The following PLCB1 variants were observed in gnomAD, a reference collection of about 807,000 sequenced individuals.
PLCB1 encodes the protein phospholipase C beta 1.
PLCB1 carries 46 observed loss-of-function variants against 161.8 expected under a neutral mutation model. The observed-to-expected ratio is 0.28, with a 90% CI of 0.22 to 0.36. PLCB1 has a LOEUF of 0.36. Among genes scored for constraint, PLCB1 ranks in the 10% least tolerant of loss-of-function variants. The pLI, the probability that PLCB1 is intolerant of heterozygous loss-of-function variation, is 1.00. For missense variants in PLCB1, 1,016 were observed against 1,472.5 expected (o/e 0.69, Z 5.07); for synonymous variants, 517 against 503.7 (o/e 1.03, Z -0.35).
chr20:8,651,761 T>G, intron 7 of PLCB1: 1 of 413,762 alleles, frequency 2.4e-6, no homozygotes, highest in Admixed American at 3.8e-5. Flanking sequence ...AAAGAAAGAC[T>G]GGAGAACTAC....
intron 23 of PLCB1, chr20:8,750,715 C>A: frequency 2.1e-6 from 1 of 471,096 alleles, no homozygotes; most frequent in East Asian, 7.0e-5. Context: ...ATTTAAGGTA[C>A]AAATTGTGCT....
At chr20:8,161,696 G>C (rs903191066) in intron 2 of PLCB1, among the ~76,000 whole-genome samples, 2 of 152,112 alleles carry the variant, frequency 1.3e-5, no homozygotes, top group Non-Finnish European at 2.9e-5. Flanking sequence ...GAAATCACAG[G>C]GGGAGCCTCA....
intron 31 of PLCB1, among the ~76,000 whole-genome samples, chr20:8,793,143 A>G (rs1351954058): frequency 6.6e-6 from 1 of 152,238 alleles, no homozygotes; most frequent in Non-Finnish European, 1.5e-5. Flanking sequence ...AAACTGATCA[A>G]TAGTATCTCT....
intron 27 of PLCB1, among the ~76,000 whole-genome samples, chr20:8,775,697 G>A (rs1982908792): frequency 6.6e-6 from 1 of 152,104 alleles, no homozygotes; most frequent in South Asian, 2.1e-4. Context: ...ATTCTAACGA[G>A]GCCCGTTATT....
At chr20:8,178,724 G>A (rs1315462300) in intron 2 of PLCB1, among the ~76,000 whole-genome samples, 1 of 152,158 alleles carries the variant, frequency 6.6e-6, no homozygotes, top group Non-Finnish European at 1.5e-5. Flanking sequence ...TATGTCCAGA[G>A]TGATATTTCC....
At chr20:8,320,048 G>C (rs1395525828) in intron 2 of PLCB1, among the ~76,000 whole-genome samples, 1 of 151,996 alleles carries the variant, frequency 6.6e-6, no homozygotes, top group Non-Finnish European at 1.5e-5. Context: ...CGAGGTTTTG[G>C]GTGAAGAAGA....
intron 3 of PLCB1, among the ~76,000 whole-genome samples, chr20:8,536,075 A>G (rs566640345): frequency 4.6e-4 from 70 of 152,274 alleles, no homozygotes; most frequent in Non-Finnish European, 8.8e-4. Flanking sequence ...TAAGGAAATG[A>G]AACTTAATGC....
intron 3 of PLCB1, among the ~76,000 whole-genome samples, chr20:8,547,186 G>A (rs906717345): frequency 6.6e-6 from 1 of 151,400 alleles, no homozygotes; most frequent in Middle Eastern, 3.2e-3. Flanking sequence ...AGGCTACTAA[G>A]CATCAAGCAA....
At chr20:8,716,380 A>G (rs774892894) in intron 13 of PLCB1, 32 bp downstream of exon 13, 3 of 1,452,950 alleles carry the variant, frequency 2.1e-6, no homozygotes, top group Non-Finnish European at 1.9e-6. Context: ...CCTTGAAGGA[A>G]TGTATGCATT....
intron 2 of PLCB1, among the ~76,000 whole-genome samples, chr20:8,153,755 A>G (rs1435494540): frequency 1.3e-5 from 2 of 152,162 alleles, no homozygotes; most frequent in African/African-American, 4.8e-5. Flanking sequence ...AGTTCAATAT[A>G]GTTCAGTAAA....
intron 3 of PLCB1, among the ~76,000 whole-genome samples, chr20:8,468,539 G>A (rs1981915569): frequency 6.6e-6 from 1 of 152,134 alleles, no homozygotes; most frequent in Non-Finnish European, 1.5e-5. Flanking sequence ...AGTGATGTGT[G>A]TAAGTCACTT....
intron 2 of PLCB1, among the ~76,000 whole-genome samples, chr20:8,291,610 T>G (rs1983386718): frequency 1.3e-5 from 2 of 152,216 alleles, no homozygotes; most frequent in Admixed American, 1.3e-4. Flanking sequence ...TACATTCAAC[T>G]TCTTGTGTTT....
At chr20:8,281,515 C>T (rs62195910) in intron 2 of PLCB1, among the ~76,000 whole-genome samples, 1 of 151,680 alleles carries the variant, frequency 6.6e-6, no homozygotes, top group Non-Finnish European at 1.5e-5. Context: ...TCATTTTTAC[C>T]AATAAATCTT....
At chr20:8,436,545 T>C (rs1229671323) in intron 3 of PLCB1, among the ~76,000 whole-genome samples, 1 of 152,128 alleles carries the variant, frequency 6.6e-6, no homozygotes, top group African/African-American at 2.4e-5. Flanking sequence ...CTCTTTTTTC[T>C]CTTTTCCTCT....
chr20:8,262,865 TGAGA>T (rs11471091), intron 2 of PLCB1, among the ~76,000 whole-genome samples: 15 of 151,758 alleles, frequency 9.9e-5, no homozygotes, highest in South Asian at 6.3e-4. Context: ...AGAAAGAGAA[TGAGA>T]GAGAGAGAGA....
chr20:8,140,523 C>A (rs931583733), intron 1 of PLCB1, among the ~76,000 whole-genome samples: 2 of 152,160 alleles, frequency 1.3e-5, no homozygotes, highest in Non-Finnish European at 2.9e-5. Flanking sequence ...TAATAGCAGG[C>A]ATTCATGCTT....
At chr20:8,533,702 G>A (rs1049478725) in intron 3 of PLCB1, among the ~76,000 whole-genome samples, 9 of 150,664 alleles carry the variant, frequency 6.0e-5, no homozygotes, top group African/African-American at 1.2e-4. Context: ...CCCACTTTTT[G>A]ATGGGGTTGT....
chr20:8,356,628 A>G (rs535794241), intron 2 of PLCB1, among the ~76,000 whole-genome samples: 2 of 152,328 alleles, frequency 1.3e-5, no homozygotes, highest in Non-Finnish European at 2.9e-5. Context: ...ATTTAATTCC[A>G]TAATCATACG....
intron 2 of PLCB1, among the ~76,000 whole-genome samples, chr20:8,199,223 A>G (rs571761308): frequency 2.4e-4 from 37 of 152,222 alleles, no homozygotes; most frequent in Non-Finnish European, 4.1e-4. Flanking sequence ...CTGATTTAAA[A>G]GGTCTCACAT....
Sources: allele counts gnomAD v4.1 joint callset (sites outside exome capture counted in the v4.1 genomes callset), GRCh38; gene constraint gnomAD v4.1.1; transcripts MANE v1.5; gene names NCBI Gene and HGNC (gene_info 2026-07-23, HGNC 2026-07-21).